Variants in TTN observed in about 807,000 individuals in gnomAD.
TTN encodes the protein titin.
TTN carries 1,525 observed loss-of-function variants against 3,223.0 expected under a neutral mutation model. The observed-to-expected ratio is 0.47, with a 90% CI of 0.45 to 0.49. The LOEUF (loss-of-function observed/expected upper bound fraction) is 0.49. TTN is among the 20% of genes least tolerant of loss of function. The probability of loss-of-function intolerance (pLI) is 0.00; values close to 1 mark genes in which losing one functional copy is unlikely to be tolerated. For missense variants in TTN, 40,786 were observed against 43,424.0 expected, an observed-to-expected ratio of 0.94 and a Z score of 5.40; for synonymous variants, 14,094 against 15,161.0, an observed-to-expected ratio of 0.93 and a Z score of 5.17.
At position 178,633,219 on chromosome 2, in the gene TTN, T is replaced by G. The variant is rs561547028; in HGVS notation, c.43054A>C (p.Lys14352Gln). 4 of 1,613,064 alleles carry G rather than the reference T, an allele frequency of 2.5e-6. No homozygotes were observed. The African/African-American group carries it at 5.3e-5, about 22-fold the overall frequency. ...LSEPDVHGQW[K>Q]LKGQPLTASP... is the part of the protein sequence containing the mutation. ...GCTGTCAAAGGCTGTCCTTTCAGCTTCCACTGGCCGTGAACATCAGGTTCA... is the reference window on the plus strand; with the variant it reads ...GCTGTCAAAGGCTGTCCTTTCAGCTGCCACTGGCCGTGAACATCAGGTTCA... Residue 14352 changes from lysine (K) to glutamine (Q), a missense_variant, in exon 233 of 363, where the codon AAG (lysine) becomes CAG (glutamine). Lys to Gln is a moderately conservative substitution (Grantham distance 53). Transcript: ENST00000589042.
At chr2:178,718,664 A>T in intron 84 of TTN, 31 bp downstream of exon 84, 6 of 1,603,854 alleles carry the variant, frequency 3.7e-6, no homozygotes, top group Non-Finnish European at 4.3e-6. Context: ...AGAAATTTTA[A>T]AAGATGTATA....
In TTN at chr2:178,580,008, G is replaced by A. The variant is rs1200988060; in HGVS notation, c.67279C>T (p.Arg22427Ter). 1.9e-6 allele frequency: 3 copies of A among 1,613,274 alleles called. No homozygotes were observed. Among genetic ancestry groups the A allele is most frequent in the Admixed American group, 3.3e-5 (2 of 59,982 alleles). The change falls in exon 318 of 363, where the codon CGA becomes TGA. Residue 22427 changes from arginine to a stop codon, truncating the protein, a stop_gained. Transcript: ENST00000589042. LOFTEE classifies it high-confidence loss of function. ...NLEEGKSYFFRVFAENEYGIG... is the reference protein window; with the variant it reads ...NLEEGKSYFF The stretch of plus-strand genomic sequence containing the variant: ...CCATACTCATTTTCAGCAAACACTC[G>A]GAAGAAGTAGGATTTTCCCTCCTCC...
At position 178,601,136 on chromosome 2, in the gene TTN, G is replaced by T; in HGVS notation, c.55768C>A (p.Leu18590Ile). 2 of 1,553,530 alleles carry T rather than the reference G, an allele frequency of 1.3e-6. No homozygotes were observed. The highest frequency in any genetic ancestry group is 1.7e-6 in the Non-Finnish European group (2 of 1,153,502). ...AGATGCACTGTGTTCTTTGTGATGA[G>T]GCCAATCTTGAGTTTAATAGGAGGA... ...PDPPIKLKIGLITKNTVHLSW... is the reference protein window; with the variant it reads ...PDPPIKLKIGIITKNTVHLSW... The change falls in exon 288 of 363, where the codon CTC (leucine) becomes ATC (isoleucine). Residue 18590 changes from leucine (L) to isoleucine (I), a missense_variant. Coordinates refer to ENST00000589042, the MANE Select transcript of TTN (RefSeq NM_001267550.2).
chr2:178,696,575 C>T (rs1164469209), intron 113 of TTN, among the ~76,000 whole-genome samples: 1 of 151,840 alleles, frequency 6.6e-6, no homozygotes, highest in Non-Finnish European at 1.5e-5. Flanking sequence ...TAGTTTCTTC[C>T]AGTGGAATAG....
rs765944912 is a variant in TTN, at chr2:178,570,769, G to A, written c.75363C>T (p.Ile25121=). Residue 25121 remains isoleucine (I), a synonymous_variant, in exon 326 of 363, where the codon ATC becomes ATT. Coordinates refer to ENST00000589042, the MANE Select transcript of TTN (RefSeq NM_001267550.2). ...TGAATGATTCACCAGCATGAACCAC[G>A]ATTGTGTCTTTGTATTTTGGATCCA... ...ISMDPKYKDT[I]VVHAGESFKV... 3.1e-6 allele frequency: 5 copies of A among 1,613,412 alleles called. No homozygotes were observed. The highest frequency in any genetic ancestry group is 1.7e-5 in the Admixed American group (1 of 59,974).
In TTN at chr2:178,632,733, C is replaced by T; in HGVS notation, c.43273G>A (p.Ala14425Thr). ...CTGGATACTTCACACTCAAACTTAGCCTCATCTTTCTCGAAGACTTTAACA... is the reference window on the plus strand; with the variant it reads ...CTGGATACTTCACACTCAAACTTAGTCTCATCTTTCTCGAAGACTTTAACA... ...SDVKVFEKDE[A>T]KFECEVSREP... Residue 14425 changes from alanine to threonine, a missense_variant, in exon 235 of 363, where the codon GCT (alanine) becomes ACT (threonine). Transcript: ENST00000589042. 1 of 1,613,274 alleles carries T rather than the reference C, an allele frequency of 6.2e-7. No individual in the cohort carries two copies. Among genetic ancestry groups the T allele is most frequent in the Non-Finnish European group, 8.5e-7 (1 of 1,179,546 alleles).
intron 307 of TTN, 56 bp from the exon 308 acceptor site, chr2:178,586,863 T>C (rs1013090607): frequency 7.6e-6 from 12 of 1,583,158 alleles, no homozygotes; most frequent in African/African-American, 5.5e-5. Flanking sequence ...AAATCCCCTT[T>C]GTTAATGTAC....
chr2:178,722,808 C>G lies in TTN; in HGVS notation c.22091G>C (p.Arg7364Pro), dbSNP rs200128066. The change falls in exon 76 of 363, where the codon CGG becomes CCG. Residue 7364 changes from arginine to proline, a missense_variant. Arg to Pro is a moderately radical substitution (Grantham distance 103). Transcript: ENST00000589042. ...VSWYKGDTKL[R>P]PTPEYRTYFT... Reference sequence around the variant, plus strand: ...GTAGGTCCTGTATTCAGGAGTTGGCCGTAATTTGGTATCTCCTTTGTACCA... The same window carrying G: ...GTAGGTCCTGTATTCAGGAGTTGGCGGTAATTTGGTATCTCCTTTGTACCA... 1 of 1,613,210 alleles carries G rather than the reference C, an allele frequency of 6.2e-7. No individual in the cohort carries two copies. The highest frequency in any genetic ancestry group is 8.5e-7 in the Non-Finnish European group (1 of 1,179,534).
rs1449904956 is a variant in TTN at position 178,617,415 on chromosome 2, T to G, written c.47670A>C (p.Pro15890=). 6.3e-7 allele frequency: 1 copy of G among 1,592,852 alleles called. No homozygotes were observed. The highest frequency in any genetic ancestry group is 1.2e-5 in the South Asian group (1 of 85,892). ...WEPPLKDGGS[P]ILGYIIERCE... The stretch of plus-strand genomic sequence containing the variant: ...ATCGCTCAATTATATAGCCTAATAT[T>G]GGGCTTCCTCCATCTTTCAGAGGAG... Residue 15890 remains proline, a synonymous_variant, in exon 254 of 363, where the codon CCA becomes CCC. Coordinates refer to ENST00000589042, the MANE Select transcript of TTN (RefSeq NM_001267550.2).
In TTN at chr2:178,545,841, T is replaced by C. The variant is rs370916420; in HGVS notation, c.95395A>G (p.Ile31799Val). ...GPGVPVESEP[I>V]VARNSFTIPS... ...TTACTGAATGAGTTTCTGGCTACAA[T>C]TGGCTCTGATTCAACAGGCACACCA... Residue 31799 changes from isoleucine (I) to valine (V), a missense_variant, in exon 343 of 363, where the codon ATT (isoleucine) becomes GTT (valine). Ile to Val is a conservative substitution (Grantham distance 29). Coordinates refer to ENST00000589042, the MANE Select transcript of TTN (RefSeq NM_001267550.2). 97 of 1,613,646 alleles carry C rather than the reference T, an allele frequency of 6.0e-5. No homozygotes were observed. Among genetic ancestry groups the C allele is most frequent in the Middle Eastern group, 1.7e-4 (1 of 6,058 alleles).
chr2:178,786,170 A>G, intron 13 of TTN, 29 bp from the exon 14 acceptor site: 1 of 1,611,238 alleles, frequency 6.2e-7, no homozygotes, highest in Non-Finnish European at 8.5e-7. Flanking sequence ...GAATTAATAC[A>G]TAGGAATATC....
rs781670887 is a variant in TTN at position 178,561,541 on chromosome 2, G to T, written c.84591C>A (p.Ser28197Arg). The T allele has an allele frequency of 1.9e-6, 3 of 1,613,246 alleles. No individual in the cohort carries two copies. In the East Asian group the frequency reaches 6.7e-5, roughly 36 times the overall value. ...IGYHLEYKER[S>R]SILWSKANKI... ...TATTTGCTTTTGACCAAAGAATGCT[G>T]CTTCTTTCTTTATACTCAAGATGAT... The change falls in exon 326 of 363, where the codon AGC becomes AGA. Residue 28197 changes from serine (S) to arginine (R), a missense_variant. Transcript: ENST00000589042.
At position 178,558,323 on chromosome 2, in the gene TTN, A is replaced by C; in HGVS notation, c.87118+18T>G. ...GCAAATAATTTCAAATTTTGCTTCT[A>C]CACAAAATTAGACATACCTAGTTGC... On this transcript the variant is annotated intron_variant, in intron 327 of 362. Coordinates refer to ENST00000589042, the MANE Select transcript of TTN (RefSeq NM_001267550.2). 1 of 1,596,814 alleles carries C rather than the reference A, an allele frequency of 6.3e-7. No homozygotes were observed. The highest frequency in any genetic ancestry group is 8.5e-7 in the Non-Finnish European group (1 of 1,175,274).
chr2:178,709,354 C>T (rs1309289892), intron 99 of TTN, among the ~76,000 whole-genome samples: 8 of 152,060 alleles, frequency 5.3e-5, no homozygotes, highest in Admixed American at 5.2e-4. Flanking sequence ...AGATATTAGT[C>T]CGTTAAATGA....
At chr2:178,701,423 G>T in intron 110 of TTN, 105 bp downstream of exon 110, 2 of 1,252,760 alleles carry the variant, frequency 1.6e-6, no homozygotes, top group Non-Finnish European at 2.2e-6. Context: ...GGAAGGTTTT[G>T]TTCTGACTCT....
At position 178,804,559 on chromosome 2, in the gene TTN, G is replaced by A. The variant is rs1157170867; in HGVS notation, c.84C>T (p.His28=). ...LEGSTATFEA[H]ISGFPVPEVS... The stretch of plus-strand genomic sequence containing the variant: ...GTGAATGTGTGAGCTTACCACTAAT[G>A]TGAGCCTCAAAGGTTGCGGTACTAC... Residue 28 remains histidine, a synonymous_variant, in exon 2 of 363, where the codon CAC becomes CAT. Coordinates refer to ENST00000589042, the MANE Select transcript of TTN (RefSeq NM_001267550.2). The A allele has an allele frequency of 6.2e-7, 1 of 1,613,932 alleles. No homozygotes were observed.
rs754751783 is a variant in TTN, at chr2:178,619,789, C to G, written c.46528G>C (p.Val15510Leu). The G allele has an allele frequency of 1.2e-6, 2 of 1,612,378 alleles. No individual in the cohort carries two copies. Among genetic ancestry groups the G allele is most frequent in the Non-Finnish European group, 1.7e-6 (2 of 1,178,920 alleles). Residue 15510 changes from valine (V) to leucine (L), a missense_variant, in exon 250 of 363, where the codon GTC becomes CTC. Physicochemically the swap from Val to Leu is conservative, Grantham distance 32. Transcript: ENST00000589042. ...ACCATGTTATTTCTTAGCCATTGGA[C>G]TTCCACCTTATCTTTATTGAGTTCT... ...LAELNKDKVE[V>L]QWLRNNMVVV...
Position 178,667,675 on chromosome 2 carries a change from C to A in TTN, c.35592G>T (p.Val11864=). The change falls in exon 160 of 363, where the codon GTG becomes GTT. Residue 11864 remains valine (V), a synonymous_variant. Coordinates refer to ENST00000589042, the MANE Select transcript of TTN (RefSeq NM_001267550.2). Reference sequence around the variant, plus strand: ...TGGGTTTTGTCTTTTGAGGTTGAGTCACAAGTACTTTTTCTTCTAGGACTG... The same window carrying A: ...TGGGTTTTGTCTTTTGAGGTTGAGTAACAAGTACTTTTTCTTCTAGGACTG... The part of the protein sequence containing the change: ...EEAVLEEKVL[V]TQPQKTKPKL... 1 of 1,597,250 alleles carries A rather than the reference C, an allele frequency of 6.3e-7. No individual in the cohort carries two copies. Among genetic ancestry groups the A allele is most frequent in the South Asian group, 1.1e-5 (1 of 90,932 alleles).
intron 2 of TTN, among the ~76,000 whole-genome samples, chr2:178,803,862 C>T (rs767789251): frequency 1.3e-5 from 2 of 151,640 alleles, no homozygotes; most frequent in African/African-American, 2.4e-5. Context: ...CATCCATAAA[C>T]TGAGTTATGA....
Sources: allele counts gnomAD v4.1 joint callset (sites outside exome capture counted in the v4.1 genomes callset), GRCh38; gene constraint gnomAD v4.1.1; transcripts MANE v1.5; gene names NCBI Gene and HGNC (gene_info 2026-07-23, HGNC 2026-07-21).